The following STARD9 variants were observed in gnomAD, a reference collection of about 807,000 sequenced individuals.
STARD9 encodes StAR related lipid transfer domain containing 9, also known as stAR-related lipid transfer protein 9.
STARD9 carries 346 observed loss-of-function variants against 399.8 expected under a neutral mutation model. The ratio of observed to expected loss-of-function variants is 0.87; its 90% confidence interval spans 0.79 to 0.95. STARD9 has a LOEUF of 0.95. Among genes scored for constraint, STARD9 ranks in the 40% least tolerant of loss-of-function variants. The pLI is 0.00. For missense variants in STARD9, 5,832 were observed against 5,667.5 expected, an observed-to-expected ratio of 1.03 and a Z score of -0.93; for synonymous variants, 2,203 against 2,143.5, an observed-to-expected ratio of 1.03 and a Z score of -0.77.
chr15:42,625,641 C>T (rs1344064833), intron 3 of STARD9, among the ~76,000 whole-genome samples: 4 of 71,818 alleles, frequency 5.6e-5, no homozygotes, highest in Non-Finnish European at 1.1e-4. Flanking sequence ...CTATTTTCTT[C>T]TTCCTATTTT....
intron 3 of STARD9, among the ~76,000 whole-genome samples, chr15:42,589,070 C>T (rs2058344106): frequency 6.6e-6 from 1 of 151,958 alleles, no homozygotes; most frequent in South Asian, 2.1e-4. Context: ...CTGCCTTGGC[C>T]TCCCAAAGTG....
At chr15:42,659,733 C>T (rs1217377968) in intron 9 of STARD9, among the ~76,000 whole-genome samples, 1 of 152,078 alleles carries the variant, frequency 6.6e-6, no homozygotes, top group African/African-American at 2.4e-5. Flanking sequence ...ACCATTTTGG[C>T]CAGGAAGGTC....
At chr15:42,593,995 G>T (rs1213882774) in intron 3 of STARD9, among the ~76,000 whole-genome samples, 2 of 151,962 alleles carry the variant, frequency 1.3e-5, no homozygotes, top group Non-Finnish European at 2.9e-5. Flanking sequence ...TATTTATTTG[G>T]TCTCCACAAT....
intron 13 of STARD9, 75 bp from the exon 14 acceptor site, chr15:42,665,178 C>G (rs1407235935): frequency 8.3e-7 from 1 of 1,205,250 alleles, no homozygotes; most frequent in African/African-American, 1.5e-5. Context: ...CTCTTCCCAG[C>G]CAATTGCAAC....
At chr15:42,617,350 C>T (rs932560864) in intron 3 of STARD9, among the ~76,000 whole-genome samples, 16 of 152,264 alleles carry the variant, frequency 1.1e-4, no homozygotes, top group Non-Finnish European at 2.1e-4. Flanking sequence ...AGGGTGATAA[C>T]TATTACCTAT....
Position 42,685,370 on chromosome 15 carries a change from G to T in STARD9, c.3792G>T (p.Arg1264Ser). 1 of 1,537,050 alleles carries T rather than the reference G, an allele frequency of 6.5e-7. No individual in the cohort carries two copies. Among genetic ancestry groups the T allele is most frequent in the South Asian group, 1.2e-5 (1 of 84,058 alleles). The change falls in exon 23 of 33, where the codon AGG (arginine) becomes AGT (serine). Residue 1264 changes from arginine (R) to serine (S), a missense_variant. Arg to Ser is a moderately radical substitution (Grantham distance 110). Coordinates refer to ENST00000290607, the MANE Select transcript of STARD9 (RefSeq NM_020759.3). The stretch of plus-strand genomic sequence containing the variant: ...CCATCAACTACAGAACAGCAGCTAG[G>T]CTGGATGCCGTCCTGCCAATGAGCA... ...LGPINYRTAA[R>S]LDAVLPMSSS...
chr15:42,597,424 G>A (rs1341491528), intron 3 of STARD9, among the ~76,000 whole-genome samples: 4 of 152,082 alleles, frequency 2.6e-5, no homozygotes, highest in Non-Finnish European at 4.4e-5. Context: ...CTGGAGTGCA[G>A]TGGTGCGGTC....
chr15:42,673,807 A>G (rs931939796), intron 16 of STARD9: 13 of 412,986 alleles, frequency 3.1e-5, no homozygotes, highest in Non-Finnish European at 5.4e-5. Context: ...CTTGTCTTCA[A>G]CTAATCCACT....
rs1428391573 is a variant in STARD9 at position 42,684,291 on chromosome 15, A to G, written c.2713A>G (p.Thr905Ala). 7.2e-6 allele frequency: 11 copies of G among 1,537,016 alleles called. No homozygotes were observed. The South Asian group carries it at 1.2e-4, about 17-fold the overall frequency. ...LHSSGHGQPC[T>A]ARAALARKGA... The stretch of plus-strand genomic sequence containing the variant: ...TTCCTCAGGTCATGGGCAGCCCTGC[A>G]CAGCCAGAGCAGCCTTGGCCAGGAA... The change falls in exon 23 of 33, where the codon ACA becomes GCA. Residue 905 changes from threonine (T) to alanine (A), a missense_variant. Coordinates refer to ENST00000290607, the MANE Select transcript of STARD9 (RefSeq NM_020759.3).
At position 42,595,161 on chromosome 15, in the gene STARD9, G is replaced by A. The variant is rs551898333; in HGVS notation, c.234+9524G>A. 1.4e-4 allele frequency among the ~76,000 whole-genome samples: 21 copies of A among 152,268 alleles called. 1 individual carries two copies. In the South Asian group the frequency reaches 4.4e-3, roughly 32 times the overall value. ...TGACTGAAACTGAGGAGGGACCTTTGAGGGGCTAGAGGAGAGGGAAACATG... is the reference window on the plus strand; with the variant it reads ...TGACTGAAACTGAGGAGGGACCTTTAAGGGGCTAGAGGAGAGGGAAACATG... On this transcript the variant is annotated intron_variant, in intron 3 of 32. Coordinates refer to ENST00000290607, the MANE Select transcript of STARD9 (RefSeq NM_020759.3).
intron 26 of STARD9, among the ~76,000 whole-genome samples, chr15:42,709,560 C>T (rs868481048): frequency 1.3e-5 from 2 of 152,182 alleles, no homozygotes; most frequent in Non-Finnish European, 1.5e-5. Flanking sequence ...TGGCACACGC[C>T]TGTAGACCCA....
Position 42,715,799 on chromosome 15 carries a change from C to T in STARD9, c.13285-878C>T, listed in dbSNP as rs534962334. Among the ~76,000 whole-genome samples, 3 of 152,296 alleles carry T rather than the reference C, an allele frequency of 2.0e-5. No individual in the cohort carries two copies. The East Asian group carries it at 5.8e-4, about 30-fold the overall frequency. ...TTGGGATTACAGGCATGAGCCACCG[C>T]CCGGCCCCCAAATTTTTTTTTAAAA... On this transcript the variant is annotated intron_variant, in intron 26 of 32. Transcript: ENST00000290607.
intron 26 of STARD9, among the ~76,000 whole-genome samples, chr15:42,716,186 C>G (rs1290897535): frequency 1.3e-5 from 2 of 152,134 alleles, no homozygotes; most frequent in African/African-American, 4.8e-5. Flanking sequence ...CCCATCTAAT[C>G]CCCAGTTAGG....
intron 14 of STARD9, 54 bp downstream of exon 14, chr15:42,665,384 CTCTTT>C (rs750238905): frequency 5.0e-6 from 7 of 1,398,274 alleles, no homozygotes; most frequent in Middle Eastern, 1.8e-4. Flanking sequence ...CCTTCTGAGC[CTCTTT>C]TCTTCTCCAT....
intron 7 of STARD9, among the ~76,000 whole-genome samples, chr15:42,649,199 T>C (rs1459368690): frequency 6.6e-6 from 1 of 152,092 alleles, no homozygotes; most frequent in East Asian, 1.9e-4. Context: ...CCGGCTGATT[T>C]TTGTATTTTC....
rs990525409 is a variant in STARD9 at position 42,692,990 on chromosome 15, C to G, written c.11412C>G (p.Ser3804Arg). ...MAQLLYLQEE[S>R]TPYKPQSPSI... ...AGCTCCTCTATCTTCAGGAAGAAAG[C>G]ACTCCCTACAAGCCCCAGAGCCCTT... Residue 3804 changes from serine (S) to arginine (R), a missense_variant, in exon 23 of 33, where the codon AGC (serine) becomes AGG (arginine). Ser to Arg is a moderately radical substitution (Grantham distance 110). Coordinates refer to ENST00000290607, the MANE Select transcript of STARD9 (RefSeq NM_020759.3). 4.6e-6 allele frequency: 7 copies of G among 1,537,054 alleles called. No homozygotes were observed. The Admixed American group carries it at 5.9e-5, about 13-fold the overall frequency.
rs1360247059 is a variant in STARD9, at chr15:42,583,423, T to G, written c.117+8T>G. The G allele has an allele frequency of 1.3e-6, 2 of 1,532,834 alleles. No individual in the cohort carries two copies. The highest frequency in any genetic ancestry group is 2.7e-5 in the African/African-American group (2 of 72,954). 95.0% of individuals were successfully genotyped at this position (1,532,834 alleles called of 1,614,324 possible). ...AAAATCAGGAATTTAAAGGTAAGCC[T>G]GAAATTGTTTTTCATTTTCTTTCCA... On this transcript the variant is annotated splice_region_variant and intron_variant, in intron 2 of 32. Coordinates refer to ENST00000290607, the MANE Select transcript of STARD9 (RefSeq NM_020759.3).
chr15:42,682,651 T>TC lies in STARD9; in HGVS notation c.2537+80dup, dbSNP rs1264996318. 4.3e-6 allele frequency: 5 copies of TC among 1,161,978 alleles called. No homozygotes were observed. In the African/African-American group the frequency reaches 4.7e-5, roughly 11 times the overall value. 72.0% of individuals were successfully genotyped at this position (1,161,978 alleles called of 1,614,324 possible). On this transcript the variant is annotated intron_variant, in intron 22 of 32. Transcript: ENST00000290607. ...TCTTGCCCAGGTAGTTTTCTGTTTT[T>TC]CCCCATGCCTCATTTCCTCAGTCTG...
chr15:42,583,219 T>C (rs998204125), intron 1 of STARD9, 127 bp from the exon 2 acceptor site: 23 of 651,996 alleles, frequency 3.5e-5, no homozygotes, highest in Middle Eastern at 3.4e-4. Flanking sequence ...TAGCCATTTA[T>C]GGAGACAGAC....
Sources: gnomAD v4.1 joint callset for allele counts (sites outside exome capture counted in the v4.1 genomes callset) on GRCh38, gnomAD v4.1.1 for gene constraint, MANE v1.5 for transcripts, NCBI Gene and HGNC (gene_info 2026-07-23, HGNC 2026-07-21) for gene names.